Variants in SI observed in about 807,000 individuals in gnomAD.
The protein encoded by SI is sucrase-isomaltase.
Under a neutral mutation model 253.3 loss-of-function variants are expected in SI, and 235 were observed. The observed-to-expected ratio is 0.93, with a 90% CI of 0.83 to 1.03. The LOEUF is 1.03. Ranked by LOEUF, SI falls within the 50% of genes least tolerant of loss-of-function variation. The probability of loss-of-function intolerance (pLI) is 0.00; values close to 1 mark genes in which losing one functional copy is unlikely to be tolerated. For synonymous variants in SI, 819 were observed against 712.0 expected (o/e 1.15, Z -2.39); for missense variants, 2,442 against 2,211.1 (o/e 1.10, Z -2.09).
At chr3:165,075,785 C>T in intron 2 of SI, 110 bp downstream of exon 2, 2 of 661,508 alleles carry the variant, frequency 3.0e-6, no homozygotes, top group Admixed American at 2.3e-5. Flanking sequence ...CTGGATTTTT[C>T]TATAAGTGTT....
At chr3:165,032,158 TA>T (rs1392548812) in intron 24 of SI, among the ~76,000 whole-genome samples, 5 of 151,276 alleles carry the variant, frequency 3.3e-5, no homozygotes, top group African/African-American at 1.2e-4. Context: ...TTAAAGAGTC[TA>T]AAGCAGCTAA....
intron 33 of SI, among the ~76,000 whole-genome samples, chr3:165,014,465 G>A (rs1253654711): frequency 6.6e-6 from 1 of 152,088 alleles, no homozygotes; most frequent in Non-Finnish European, 1.5e-5. Context: ...TAGCCAGGAT[G>A]GTCTCGATCT....
chr3:165,038,418 A>G (rs562895737), intron 20 of SI, among the ~76,000 whole-genome samples: 8 of 152,002 alleles, frequency 5.3e-5, no homozygotes, highest in African/African-American at 1.7e-4. Context: ...CATTTAAAAT[A>G]AATATTGCAG....
At chr3:165,060,118 ATC>A in intron 9 of SI, 91 bp from the exon 10 acceptor site, 1 of 1,086,136 alleles carries the variant, frequency 9.2e-7, no homozygotes, top group Non-Finnish European at 1.4e-6. Context: ...ATTTTCTTAT[ATC>A]TCTAAAATTC....
Position 165,069,065 on chromosome 3 carries a change from G to C in SI, c.373+13C>G. On this transcript the variant is annotated intron_variant, in intron 4 of 47. Coordinates refer to ENST00000264382, the MANE Select transcript of SI (RefSeq NM_001041.4). Reference sequence around the variant, plus strand: ...TATATCATATTGAATCATTATAACAGAGGACTTCTTACCAATACTTGTTGT... The same window carrying C: ...TATATCATATTGAATCATTATAACACAGGACTTCTTACCAATACTTGTTGT... 1 of 1,521,254 alleles carries C rather than the reference G, an allele frequency of 6.6e-7. No individual in the cohort carries two copies. The allele number at this position is 1,521,254 out of a possible 1,614,324, so 94.2% of individuals were successfully genotyped here. A position where few individuals can be genotyped will look rare whatever the true frequency, so the allele number is the denominator to read the frequency against.
chr3:165,015,155 A>G lies in SI; in HGVS notation c.3967T>C (p.Trp1323Arg). The change falls in exon 33 of 48, where the codon TGG (tryptophan) becomes CGG (arginine). Residue 1323 changes from tryptophan (W) to arginine (R), a missense_variant. Physicochemically the swap from Trp to Arg is moderately radical, Grantham distance 101. Transcript: ENST00000264382. Reference sequence around the variant, plus strand: ...CAACAAATGTCATTGGTGTTTGGCCATTTGACAAAGACATCATTCTGCTGT... The same window carrying G: ...CAACAAATGTCATTGGTGTTTGGCCGTTTGACAAAGACATCATTCTGCTGT... Reference protein sequence around the residue: ...RGQQNDVFVKWPNTNDICWAK... With the variant: ...RGQQNDVFVKRPNTNDICWAK... 6.2e-7 allele frequency: 1 copy of G among 1,613,456 alleles called. No individual in the cohort carries two copies. Among genetic ancestry groups the G allele is most frequent in the South Asian group, 1.1e-5 (1 of 91,078 alleles).
At chr3:165,055,612 C>A (rs1186733522) in intron 12 of SI, among the ~76,000 whole-genome samples, 1 of 151,798 alleles carries the variant, frequency 6.6e-6, no homozygotes, top group Non-Finnish European at 1.5e-5. Context: ...TTAATACATA[C>A]ACAATAAATA....
At chr3:165,030,974 A>G in intron 24 of SI, 107 bp from the exon 25 acceptor site, 3 of 1,416,374 alleles carry the variant, frequency 2.1e-6, no homozygotes, top group South Asian at 2.9e-5. Context: ...AACATTTTAC[A>G]TTTCACAAAA....
Position 164,987,036 on chromosome 3 carries a change from A to T in SI, c.5197+102T>A, listed in dbSNP as rs1209447166. Reference sequence around the variant, plus strand: ...AATCTTTTAGCCTTGAATAATATTAATAGCTTTGTACTCAGCTTCCAAAGA... The same window carrying T: ...AATCTTTTAGCCTTGAATAATATTATTAGCTTTGTACTCAGCTTCCAAAGA... On this transcript the variant is annotated intron_variant, in intron 45 of 47. Coordinates refer to ENST00000264382, the MANE Select transcript of SI (RefSeq NM_001041.4). The T allele has an allele frequency of 6.1e-5, 56 of 911,776 alleles. 1 individual carries two copies. The highest frequency in any genetic ancestry group is 9.0e-6 in the Non-Finnish European group (5 of 552,490). 56.5% of individuals were successfully genotyped at this position (911,776 alleles called of 1,614,324 possible).
At chr3:164,984,486 T>A (rs1266579427) in intron 45 of SI, among the ~76,000 whole-genome samples, 1 of 152,128 alleles carries the variant, frequency 6.6e-6, no homozygotes, top group Non-Finnish European at 1.5e-5. Context: ...ATGAACAATC[T>A]TTTAAGTATA....
At chr3:165,074,760 T>C in intron 2 of SI, 93 bp from the exon 3 acceptor site, 1 of 1,028,408 alleles carries the variant, frequency 9.7e-7, no homozygotes, top group South Asian at 1.4e-5. Flanking sequence ...AAAGAATACA[T>C]GAATTCATAT....
rs138778317 is a variant in SI, at chr3:165,037,946, C to T, written c.2380G>A (p.Gly794Ser). The T allele has an allele frequency of 1.4e-4, 226 of 1,611,084 alleles. No homozygotes were observed. Among genetic ancestry groups the T allele is most frequent in the Non-Finnish European group, 1.9e-4 (220 of 1,178,298 alleles). Residue 794 changes from glycine to serine, a missense_variant, in exon 21 of 48, where the codon GGT becomes AGT. Transcript: ENST00000264382. ...ADKIGLHLRG[G>S]YIIPIQEPDV... Reference sequence around the variant, plus strand: ...GGTTCTTGAATGGGGATGATATAACCTCCTCTAAGATGTAATCCTATTTTG... The same window carrying T: ...GGTTCTTGAATGGGGATGATATAACTTCCTCTAAGATGTAATCCTATTTTG...
chr3:165,057,775 A>G (rs1287657962), intron 12 of SI, among the ~76,000 whole-genome samples: 2 of 152,002 alleles, frequency 1.3e-5, no homozygotes, highest in South Asian at 2.1e-4. Context: ...GAAAAGAAAT[A>G]TAGCCTTTCT....
intron 23 of SI, 29 bp from the exon 24 acceptor site, chr3:165,032,721 A>G: frequency 6.9e-7 from 1 of 1,454,988 alleles, no homozygotes; most frequent in Non-Finnish European, 9.6e-7. Flanking sequence ...GATATTATAT[A>G]TTAGGTCATC....
Position 165,055,244 on chromosome 3 carries a change from T to G in SI, c.1462A>C (p.Asn488His). Reference protein sequence around the residue: ...TNPNCIDWWANECSIFHQEVQ... With the variant: ...TNPNCIDWWAHECSIFHQEVQ... ...TCTTGATGGAAAATACTGCATTCAT[T>G]TGCCCACCAATCAATGCAGTTTGGG... Residue 488 changes from asparagine (N) to histidine (H), a missense_variant, in exon 13 of 48, where the codon AAT becomes CAT. By Grantham distance (68) the Asn-to-His change is moderately conservative (BLOSUM62 1). Coordinates refer to ENST00000264382, the MANE Select transcript of SI (RefSeq NM_001041.4). The G allele has an allele frequency of 3.1e-6, 5 of 1,612,058 alleles. No homozygotes were observed. The highest frequency in any genetic ancestry group is 4.2e-6 in the Non-Finnish European group (5 of 1,178,650).
chr3:165,072,051 C>T (rs1451222301), intron 3 of SI, among the ~76,000 whole-genome samples: 2 of 152,024 alleles, frequency 1.3e-5, no homozygotes, highest in East Asian at 1.9e-4. Flanking sequence ...ATAAACATGC[C>T]ATTTCTAGTA....
At chr3:165,017,704 G>T (rs1576887743) in intron 30 of SI, 31 bp from the exon 31 acceptor site, 6 of 1,608,602 alleles carry the variant, frequency 3.7e-6, no homozygotes, top group South Asian at 3.3e-5. Flanking sequence ...TGAACTAAGA[G>T]AATTACTTTA....
Position 164,983,016 on chromosome 3 carries a change from A to G in SI, c.5233T>C (p.Phe1745Leu), listed in dbSNP as rs776675639. 3.9e-6 allele frequency: 6 copies of G among 1,547,776 alleles called. No homozygotes were observed. In the South Asian group the frequency reaches 6.7e-5, roughly 17 times the overall value. The stretch of plus-strand genomic sequence containing the variant: ...ATCTTACATACCTGGTTTAAATTAA[A>G]TTGTACAGATAAATATAGGTCTCTT... ...YERDLYLSVQFNLNQTTLTST... is the reference protein window; with the variant it reads ...YERDLYLSVQLNLNQTTLTST... The change falls in exon 46 of 48, where the codon TTT (phenylalanine) becomes CTT (leucine). Residue 1745 changes from phenylalanine (F) to leucine (L), a missense_variant. Physicochemically the swap from Phe to Leu is conservative, Grantham distance 22. Coordinates refer to ENST00000264382, the MANE Select transcript of SI (RefSeq NM_001041.4).
intron 44 of SI, among the ~76,000 whole-genome samples, chr3:164,990,839 G>A (rs530526559): frequency 2.0e-5 from 3 of 151,906 alleles, no homozygotes; most frequent in Non-Finnish European, 4.4e-5. Flanking sequence ...CATGGCACAT[G>A]TATACATATG....
Sources: gnomAD v4.1 joint callset for allele counts (sites outside exome capture counted in the v4.1 genomes callset) on GRCh38, gnomAD v4.1.1 for gene constraint, MANE v1.5 for transcripts, NCBI Gene and HGNC (gene_info 2026-07-23, HGNC 2026-07-21) for gene names.